The following DDB1 variants were observed in gnomAD, a reference collection of about 807,000 sequenced individuals.
DDB1 encodes damage specific DNA binding protein 1.
In DDB1, 18 loss-of-function variants were observed where a neutral mutation model predicts 133.1. The ratio of observed to expected loss-of-function variants is 0.14; its 90% CI spans 0.09 to 0.20. The LOEUF is 0.20. Among genes scored for constraint, DDB1 ranks in the 10% least tolerant of loss-of-function variants. The pLI, the probability that DDB1 is intolerant of heterozygous loss-of-function variation, is 1.00. For missense variants in DDB1, 828 were observed against 1,459.2 expected (o/e 0.57, Z 7.05); for synonymous variants, 580 against 550.5 (o/e 1.05, Z -0.75).
chr11:61,316,351 C>G lies in DDB1; in HGVS notation c.1344G>C (p.Leu448=). Residue 448 remains leucine, a synonymous_variant, in exon 12 of 27, where the codon CTG becomes CTC. Coordinates refer to ENST00000301764, the MANE Select transcript of DDB1 (RefSeq NM_001923.5). The stretch of plus-strand genomic sequence containing the variant: ...TCTGCTGATCATCCACGAAACCCAT[C>G]AGTTCGGTTTCTTCTACCTCCTCTC... ...LNGEEVEETE[L]MGFVDDQQTF... The G allele has an allele frequency of 6.2e-7, 1 of 1,614,188 alleles. No homozygotes were observed. The highest frequency in any genetic ancestry group is 2.2e-5 in the East Asian group (1 of 44,884).
intron 25 of DDB1, 184 bp from the exon 26 acceptor site, chr11:61,301,116 T>C: frequency 2.5e-6 from 2 of 799,550 alleles, no homozygotes; most frequent in Non-Finnish European, 3.8e-6. Context: ...TGACCTAATC[T>C]AATTGGTTCT....
chr11:61,313,870 A>G lies in DDB1; in HGVS notation c.1853T>C (p.Ile618Thr), dbSNP rs1351849203. 5 of 1,614,042 alleles carry G rather than the reference A, an allele frequency of 3.1e-6. No homozygotes were observed. In the Admixed American group the frequency reaches 6.7e-5, roughly 22 times the overall value. ...CAAAATACTACTCTCACCTGTCTCA[A>G]TGTTGAGCCCAAAGTAGAAAAGCGC... ...DGALFYFGLN[I>T]ETGLLSDRKK... Residue 618 changes from isoleucine to threonine, a missense_variant, in exon 15 of 27, where the codon ATT becomes ACT. Physicochemically the swap from Ile to Thr is moderately conservative, Grantham distance 89 (BLOSUM62 -1). This residue lies in a region of DDB1 where 396 missense variants were observed against 554.1 expected (regional missense o/e 0.71). Coordinates refer to ENST00000301764, the MANE Select transcript of DDB1 (RefSeq NM_001923.5).
intron 17 of DDB1, 23 bp from the exon 18 acceptor site, chr11:61,311,918 C>T (rs757375979): frequency 1.7e-5 from 27 of 1,613,944 alleles, no homozygotes; most frequent in Non-Finnish European, 2.1e-5. Context: ...TACAGAACAA[C>T]AGTGTCACTT....
intron 21 of DDB1, 121 bp from the exon 22 acceptor site, chr11:61,304,156 C>T (rs1170811455): frequency 9.4e-6 from 10 of 1,061,070 alleles, no homozygotes; most frequent in Admixed American, 2.3e-5. Flanking sequence ...GGACAGGAAA[C>T]GGTTTTATGA....
Position 61,316,392 on chromosome 11 carries a change from C to T in DDB1, c.1303G>A (p.Val435Ile), listed in dbSNP as rs1856066980. 4 of 1,614,024 alleles carry T rather than the reference C, an allele frequency of 2.5e-6. No homozygotes were observed. The South Asian group carries it at 3.3e-5, about 13-fold the overall frequency. The change falls in exon 12 of 27, where the codon GTT becomes ATT. Residue 435 changes from valine to isoleucine, a missense_variant and splice_region_variant. Val to Ile is a conservative substitution (Grantham distance 29). Coordinates refer to ENST00000301764, the MANE Select transcript of DDB1 (RefSeq NM_001923.5). ...LVLSFVGQTR[V>I]LMLNGEEVEE... ...ACCTCCTCTCCATTTAACATGAGAA[C>T]TCTGCAGCAGAATGGAGGGCCTGGG...
Position 61,311,822 on chromosome 11 carries a change from C to CA in DDB1, c.2238dup (p.Gly747TrpfsTer11). 1 of 1,614,008 alleles carries CA rather than the reference C, an allele frequency of 6.2e-7. No individual in the cohort carries two copies. Among genetic ancestry groups the CA allele is most frequent in the Non-Finnish European group, 8.5e-7 (1 of 1,179,974 alleles). The stretch of plus-strand genomic sequence containing the variant: ...CTGGGCCTCAAGGCTGTCGTGCCCC[C>CA]ACTCGTGTCTTGGACTTCAATGCGG... On this transcript the variant is annotated frameshift_variant, in exon 18 of 27. Transcript: ENST00000301764. LOFTEE classifies it high-confidence loss of function.
At chr11:61,305,588 G>C (rs1480747634) in intron 21 of DDB1, among the ~76,000 whole-genome samples, 2 of 152,176 alleles carry the variant, frequency 1.3e-5, no homozygotes, top group Admixed American at 6.5e-5. Context: ...CCCGTCTTCA[G>C]GTAAGCCCAC....
At position 61,333,089 on chromosome 11, in the gene DDB1, G is replaced by A. The variant is rs1333366302; in HGVS notation, c.-121C>T. ...CTCCACTGCCGCTGCCTCCGCCCCA[G>A]AGACACGTTGCAGGCCAGAGCGGCC... On this transcript the variant is annotated 5_prime_UTR_variant, in exon 1 of 27. Transcript: ENST00000301764. The A allele has an allele frequency of 1.7e-5, 16 of 960,402 alleles. No individual in the cohort carries two copies. The East Asian group carries it at 2.6e-4, about 16-fold the overall frequency. The allele number at this position is 960,402 out of a possible 1,614,324, so 59.5% of individuals were successfully genotyped here. A position where few individuals can be genotyped will look rare whatever the true frequency, so the allele number is the denominator to read the frequency against.
At chr11:61,323,435 G>T (rs1234839397) in intron 7 of DDB1, 2 of 283,880 alleles carry the variant, frequency 7.0e-6, no homozygotes, top group Non-Finnish European at 1.4e-5. Flanking sequence ...TTTGAGACAG[G>T]GTCTCACTGT....
At chr11:61,301,099 A>G (rs1855785362) in intron 25 of DDB1, 167 bp from the exon 26 acceptor site, 1 of 964,598 alleles carries the variant, frequency 1.0e-6, no homozygotes, top group East Asian at 2.7e-5. Context: ...AAAAAAATGT[A>G]AAAATATGAC....
intron 10 of DDB1, among the ~76,000 whole-genome samples, chr11:61,320,817 A>G (rs540957000): frequency 2.0e-5 from 3 of 152,052 alleles, no homozygotes; most frequent in African/African-American, 7.2e-5. Flanking sequence ...GCTATGTTCC[A>G]TATCAATTCT....
chr11:61,300,965 C>T (rs146214755), intron 25 of DDB1, 33 bp from the exon 26 acceptor site: 1 of 1,612,828 alleles, frequency 6.2e-7, no homozygotes, highest in Non-Finnish European at 8.5e-7. Context: ...ACGTGCTTAT[C>T]AGGAAACACC....
chr11:61,310,707 C>T (rs1280399000), intron 18 of DDB1: 1 of 245,512 alleles, frequency 4.1e-6, no homozygotes, highest in Non-Finnish European at 7.8e-6. Flanking sequence ...ACAGACTCCA[C>T]TACCCTCAAT....
In DDB1 at chr11:61,313,908, G is replaced by C. The variant is rs758023154; in HGVS notation, c.1815C>G (p.Ala605=). The C allele has an allele frequency of 1.9e-6, 3 of 1,614,106 alleles. No individual in the cohort carries two copies. Among genetic ancestry groups the C allele is most frequent in the Non-Finnish European group, 2.5e-6 (3 of 1,180,032 alleles). ...TFESSHYLLC[A]LGDGALFYFG... Reference sequence around the variant, plus strand: ...AGTAGAAAAGCGCTCCATCTCCCAAGGCACAAAGGAGGTAATGGCTACTCT... The same window carrying C: ...AGTAGAAAAGCGCTCCATCTCCCAACGCACAAAGGAGGTAATGGCTACTCT... The change falls in exon 15 of 27, where the codon GCC becomes GCG. Residue 605 remains alanine (A), a synonymous_variant. Transcript: ENST00000301764.
intron 6 of DDB1, 25 bp from the exon 7 acceptor site, chr11:61,324,162 T>C: frequency 6.2e-7 from 1 of 1,613,596 alleles, no homozygotes; most frequent in Non-Finnish European, 8.5e-7. Context: ...GAAACAGTCA[T>C]TAGAGATTCA....
rs1371036510 is a variant in DDB1 at position 61,314,131 on chromosome 11, C to T, written c.1669G>A (p.Ala557Thr). The change falls in exon 14 of 27, where the codon GCC becomes ACC. Residue 557 changes from alanine to threonine, a missense_variant. This residue lies in a region of DDB1 where 396 missense variants were observed against 554.1 expected (regional missense o/e 0.71). Coordinates refer to ENST00000301764, the MANE Select transcript of DDB1 (RefSeq NM_001923.5). ...GAGATGTCCGTCCAGAGGCCAATGG[C>T]ACAAAGAGGGGACAGTCCATTGCTG... Reference protein sequence around the residue: ...GDSNGLSPLCAIGLWTDISAR... With the variant: ...GDSNGLSPLCTIGLWTDISAR... 1 of 1,613,944 alleles carries T rather than the reference C, an allele frequency of 6.2e-7. No homozygotes were observed. Among genetic ancestry groups the T allele is most frequent in the Non-Finnish European group, 8.5e-7 (1 of 1,179,982 alleles).
In DDB1 at chr11:61,332,969, G is replaced by A. The variant is rs1259449882; in HGVS notation, c.-1C>T. 1 of 1,512,442 alleles carries A rather than the reference G, an allele frequency of 6.6e-7. No individual in the cohort carries two copies. Among genetic ancestry groups the A allele is most frequent in the Admixed American group, 2.1e-5 (1 of 48,408 alleles). The allele number at this position is 1,512,442 out of a possible 1,614,324, so 93.7% of individuals were successfully genotyped here. The stretch of plus-strand genomic sequence containing the variant: ...CCGTTACCACGTAGTTGTACGACAT[G>A]TCGAGGCTTGGAGCGGCCCGTCGGG... On this transcript the variant is annotated 5_prime_UTR_variant, in exon 1 of 27. Coordinates refer to ENST00000301764, the MANE Select transcript of DDB1 (RefSeq NM_001923.5).
intron 10 of DDB1, among the ~76,000 whole-genome samples, chr11:61,319,828 T>C (rs1343303429): frequency 2.0e-5 from 3 of 152,250 alleles, no homozygotes. Context: ...CATATTCAGG[T>C]ACATTAAATA....
At chr11:61,330,802 C>T (rs1201072241) in intron 2 of DDB1, among the ~76,000 whole-genome samples, 1 of 152,002 alleles carries the variant, frequency 6.6e-6, no homozygotes, top group African/African-American at 2.4e-5. Flanking sequence ...ATTACAGGCA[C>T]GTGCCACCAC....
Sources: allele counts gnomAD v4.1 joint callset (sites outside exome capture counted in the v4.1 genomes callset), GRCh38; gene constraint gnomAD v4.1.1; regional missense constraint gnomAD v4.1.1; transcripts MANE v1.5; gene names NCBI Gene and HGNC (gene_info 2026-07-23, HGNC 2026-07-21).